Variants in GABRA2 observed in about 807,000 individuals in gnomAD.
The protein encoded by GABRA2 is gamma-aminobutyric acid type A receptor subunit alpha2, also known as gamma-aminobutyric acid receptor subunit alpha-2.
GABRA2 carries 16 observed loss-of-function variants against 48.7 expected under a neutral mutation model. The observed-to-expected ratio is 0.33, with a 90% CI of 0.22 to 0.50. The LOEUF (loss-of-function observed/expected upper bound fraction) is 0.50. Ranked by LOEUF, GABRA2 falls within the 20% of genes least tolerant of loss-of-function variation. The pLI is 0.98. For synonymous variants in GABRA2, 185 were observed against 184.5 expected (o/e 1.00, Z -0.02); for missense variants, 275 against 535.6 (o/e 0.51, Z 4.80).
intron 4 of GABRA2, among the ~76,000 whole-genome samples, chr4:46,331,845 C>T (rs1372575563): frequency 6.6e-6 from 1 of 152,144 alleles, no homozygotes. Context: ...GATCCTCCCA[C>T]ATCAGCCTTC....
Position 46,305,553 on chromosome 4 carries a change from A to C in GABRA2, c.703+15T>G. The stretch of plus-strand genomic sequence containing the variant: ...TTCTTAGGCACCAGCTTTTTTAAAG[A>C]CTAATTTTACTAACCTGTACTGGAT... On this transcript the variant is annotated intron_variant, in intron 7 of 9. Transcript: ENST00000381620. The C allele has an allele frequency of 6.2e-7, 1 of 1,608,204 alleles. No homozygotes were observed. The highest frequency in any genetic ancestry group is 8.5e-7 in the Non-Finnish European group (1 of 1,177,876).
rs34058486 is a variant in GABRA2, at chr4:46,382,193, C to CACAT, written c.187+3880_187+3881insATGT. ...ACACAAACATACACACACACACACACATATATATATATATATAAAGTGCTA... is the reference window on the plus strand; with the variant it reads ...ACACAAACATACACACACACACACACACATATATATATATATATATAAAGTGCTA... On this transcript the variant is annotated intron_variant, in intron 3 of 9. Transcript: ENST00000381620. Among the ~76,000 whole-genome samples the CACAT allele has an allele frequency of 8.8e-3, 1,312 of 148,402 alleles. 9 individuals carry two copies. The highest frequency in any genetic ancestry group is 0.013 in the Non-Finnish European group (852 of 67,038).
intron 4 of GABRA2, among the ~76,000 whole-genome samples, chr4:46,313,126 AATAAATAAATAAAT>A (rs1406465871): frequency 1.4e-5 from 2 of 139,998 alleles, no homozygotes; most frequent in African/African-American, 6.0e-5. Context: ...CAAATAAATA[AATAAATAAATAAAT>A]AAATAAATAA....
intron 8 of GABRA2, among the ~76,000 whole-genome samples, chr4:46,302,107 C>T (rs1725847906): frequency 6.6e-6 from 1 of 151,114 alleles, no homozygotes; most frequent in South Asian, 2.1e-4. Flanking sequence ...CTTTCTCTGT[C>T]ACTCAGGCTG....
rs565362699 is a variant in GABRA2, at chr4:46,362,450, T to G, written c.187+23624A>C. Among the ~76,000 whole-genome samples the G allele has an allele frequency of 3.3e-5, 5 of 152,264 alleles. No individual in the cohort carries two copies. In the East Asian group the frequency reaches 9.7e-4, roughly 29 times the overall value. On this transcript the variant is annotated intron_variant, in intron 3 of 9. Coordinates refer to ENST00000381620, the MANE Select transcript of GABRA2 (RefSeq NM_000807.4). ...CCTCTTTCTTTTGTGAATTGCCCAG[T>G]CCCAGGTATGTCTTTATCAGCAGCG...
At chr4:46,389,621 C>T in intron 1 of GABRA2, 114 bp downstream of exon 1, 1 of 585,960 alleles carries the variant, frequency 1.7e-6, no homozygotes. Context: ...GGGAATTGAG[C>T]CTCCTCCGTT....
intron 4 of GABRA2, among the ~76,000 whole-genome samples, chr4:46,320,744 T>G (rs1285801744): frequency 1.3e-5 from 2 of 151,804 alleles, no homozygotes; most frequent in African/African-American, 4.8e-5. Flanking sequence ...AGACAAGAGA[T>G]AACGAGTGTT....
intron 8 of GABRA2, among the ~76,000 whole-genome samples, chr4:46,273,538 A>ATATATAT (rs1560460626): frequency 2.4e-3 from 54 of 22,114 alleles, no homozygotes; most frequent in African/African-American, 0.01. Flanking sequence ...TATATATATG[A>ATATATAT]GAGAGAGAGG....
intron 8 of GABRA2, among the ~76,000 whole-genome samples, chr4:46,295,795 G>A (rs1418892537): frequency 2.0e-5 from 3 of 152,198 alleles, no homozygotes; most frequent in Non-Finnish European, 2.9e-5. Context: ...AAGGGCAGAT[G>A]TTTGTTCTCA....
chr4:46,306,230 A>T (rs373138064), intron 6 of GABRA2, among the ~76,000 whole-genome samples: 10 of 152,348 alleles, frequency 6.6e-5, no homozygotes, highest in African/African-American at 2.4e-4. Flanking sequence ...TAAGATAAAT[A>T]ATAACGCTAT....
intron 8 of GABRA2, among the ~76,000 whole-genome samples, chr4:46,268,050 A>G (rs1203047030): frequency 7.0e-6 from 1 of 142,062 alleles, no homozygotes; most frequent in African/African-American, 2.7e-5. Flanking sequence ...TAAAAAATGT[A>G]TCTTGCTGAT....
At chr4:46,330,336 A>G (rs1013580052) in intron 4 of GABRA2, among the ~76,000 whole-genome samples, 2 of 151,948 alleles carry the variant, frequency 1.3e-5, no homozygotes, top group Non-Finnish European at 2.9e-5. Flanking sequence ...ATTGCTAATG[A>G]CTATATACCT....
intron 8 of GABRA2, among the ~76,000 whole-genome samples, chr4:46,291,059 T>C (rs1234349705): frequency 6.6e-6 from 1 of 151,534 alleles, no homozygotes; most frequent in East Asian, 1.9e-4. Flanking sequence ...CAGGTATCTT[T>C]GTCTGTTTTT....
chr4:46,367,592 T>G (rs996959091), intron 3 of GABRA2: 3 of 152,126 alleles, frequency 2.0e-5, no homozygotes, highest in Non-Finnish European at 4.4e-5. Flanking sequence ...AGCACTGCCT[T>G]CTAACACCAA....
chr4:46,356,083 G>A (rs965803650), intron 3 of GABRA2, among the ~76,000 whole-genome samples: 9 of 152,072 alleles, frequency 5.9e-5, no homozygotes, highest in East Asian at 1.9e-4. Flanking sequence ...ATCATTAAGG[G>A]ACTGTGGCAC....
intron 8 of GABRA2, among the ~76,000 whole-genome samples, chr4:46,269,885 T>TA (rs1240356160): frequency 2.6e-5 from 4 of 151,940 alleles, no homozygotes; most frequent in African/African-American, 7.2e-5. Context: ...GCTTTTGTGA[T>TA]AAAAATAATA....
At chr4:46,297,559 T>C (rs938568321) in intron 8 of GABRA2, among the ~76,000 whole-genome samples, 1 of 140,318 alleles carries the variant, frequency 7.1e-6, no homozygotes, top group Non-Finnish European at 1.5e-5. Flanking sequence ...AATACGATTA[T>C]CTAATTTGTT....
chr4:46,389,673 T>C (rs1717961400), intron 1 of GABRA2, 62 bp downstream of exon 1: 1 of 923,564 alleles, frequency 1.1e-6, no homozygotes, highest in African/African-American at 1.8e-5. Flanking sequence ...AGATGAGGCA[T>C]GCACGCGAGG....
chr4:46,244,941 C>T lies in GABRA2; in HGVS notation c.*5367G>A, dbSNP rs1020771619. Among the ~76,000 whole-genome samples, 1 of 151,190 alleles carries T rather than the reference C, an allele frequency of 6.6e-6. No individual in the cohort carries two copies. The highest frequency in any genetic ancestry group is 1.5e-5 in the Non-Finnish European group (1 of 67,478). ...ATGTAGAAAACCATGTAATGGCTCC[C>T]TTATTGAATGAATATTCCCCAAAAG... On this transcript the variant is annotated 3_prime_UTR_variant, in exon 10 of 10. Transcript: ENST00000381620.
Sources: gnomAD v4.1 joint callset for allele counts (sites outside exome capture counted in the v4.1 genomes callset) on GRCh38, gnomAD v4.1.1 for gene constraint, MANE v1.5 for transcripts, NCBI Gene and HGNC (gene_info 2026-07-23, HGNC 2026-07-21) for gene names.